The following EPG5 variants were observed in gnomAD, a reference collection of about 807,000 sequenced individuals.
EPG5 encodes the protein ectopic P-granules 5 autophagy tethering factor, also known as ectopic P granules protein 5 homolog.
In EPG5, 159 loss-of-function variants were observed where a neutral mutation model predicts 302.7. The observed-to-expected ratio is 0.53, with a 90% CI of 0.46 to 0.60. EPG5 has a LOEUF of 0.60. EPG5 is among the 20% of genes least tolerant of loss of function. The pLI is 0.00. For missense variants in EPG5, 2,896 were observed against 3,092.4 expected (o/e 0.94, Z 1.51); for synonymous variants, 1,158 against 1,136.8 (o/e 1.02, Z -0.37).
the EPG5 span, among the ~76,000 whole-genome samples, chr18:45,818,539 C>T: frequency 1.3e-5 from 2 of 152,066 alleles, no homozygotes; most frequent in East Asian, 3.8e-4. Context: ...TTTCATCATC[C>T]ATTGAATTTG....
intron 40 of EPG5, 121 bp downstream of exon 40, chr18:45,859,983 C>G (rs2048598145): frequency 1.6e-6 from 2 of 1,276,272 alleles, no homozygotes; most frequent in South Asian, 1.4e-5. Context: ...ATTTGTAGAG[C>G]AGAAAATTAG....
intron 42 of EPG5, among the ~76,000 whole-genome samples, chr18:45,857,066 T>C (rs2048530552): frequency 2.0e-5 from 3 of 151,864 alleles, no homozygotes; most frequent in Admixed American, 2.0e-4. Flanking sequence ...CTACAGGTGC[T>C]TGCCACCACA....
the EPG5 span, chr18:45,838,910 C>G: frequency 1.2e-6 from 2 of 1,602,250 alleles, no homozygotes; most frequent in Non-Finnish European, 1.7e-6. Context: ...CCCGCACTGA[C>G]CCATGACGGC....
chr18:45,898,989 G>C (rs535202726), intron 27 of EPG5, among the ~76,000 whole-genome samples: 16 of 152,298 alleles, frequency 1.1e-4, no homozygotes, highest in African/African-American at 3.6e-4. Context: ...GCCGGGCGTG[G>C]TGGCAGGTGC....
chr18:45,876,417 G>C, intron 34 of EPG5, 75 bp from the exon 35 acceptor site: 13 of 1,254,126 alleles, frequency 1.0e-5, no homozygotes, highest in Non-Finnish European at 1.3e-5. Flanking sequence ...GTCTAGGGCT[G>C]GCCTAAGTCC....
At chr18:45,903,919 C>T in intron 25 of EPG5, 54 bp downstream of exon 25, 1 of 1,543,906 alleles carries the variant, frequency 6.5e-7, no homozygotes, top group Non-Finnish European at 8.7e-7. Flanking sequence ...CTCAATGGCT[C>T]TGATTCAATC....
Position 45,880,161 on chromosome 18 carries a change from A to T in EPG5, c.5581T>A (p.Cys1861Ser), listed in dbSNP as rs2049064273. The change falls in exon 32 of 44, where the codon TGC (cysteine) becomes AGC (serine). Residue 1861 changes from cysteine (C) to serine (S), a missense_variant. Physicochemically the swap from Cys to Ser is moderately radical, Grantham distance 112. This residue lies in a region of EPG5 where 790 missense variants were observed against 798.0 expected (regional missense o/e 0.99). Transcript: ENST00000282041. ...WKATLRALGC[C>S]APSCQQGAAS... is the part of the protein sequence containing the mutation. ...GCCCCCTGCTGGCAGCTGGGGGCGC[A>T]GCAGCCCAGGGCTCTCAGAGTGGCC... 1 of 1,611,808 alleles carries T rather than the reference A, an allele frequency of 6.2e-7. No homozygotes were observed. The highest frequency in any genetic ancestry group is 1.7e-5 in the Admixed American group (1 of 59,920).
chr18:45,838,182 G>A, the EPG5 span, among the ~76,000 whole-genome samples: 92 of 152,326 alleles, frequency 6.0e-4, no homozygotes, highest in East Asian at 8.3e-3. Context: ...AGACGAAGAG[G>A]CGAGAAAGAC....
At chr18:45,949,645 T>C in intron 4 of EPG5, 54 bp from the exon 5 acceptor site, 4 of 1,189,454 alleles carry the variant, frequency 3.4e-6, no homozygotes, top group Non-Finnish European at 4.9e-6. Context: ...AAATAATTTA[T>C]CTAGGGGTCT....
chr18:45,954,117 T>C, intron 2 of EPG5: 1 of 187,226 alleles, frequency 5.3e-6, no homozygotes, highest in Non-Finnish European at 1.0e-5. Flanking sequence ...TGCTGAACCA[T>C]CACAACCTCA....
In EPG5 at chr18:45,870,557, A is replaced by G; in HGVS notation, c.6225+10T>C. 6.2e-7 allele frequency: 1 copy of G among 1,610,602 alleles called. No individual in the cohort carries two copies. The highest frequency in any genetic ancestry group is 1.1e-5 in the South Asian group (1 of 90,914). ...TCTCTAGGCTGCGATGCCGGGAATG[A>G]AGGGCTTACTTTGAAGAAGGCCTCC... On this transcript the variant is annotated intron_variant, in intron 36 of 43. Coordinates refer to ENST00000282041, the MANE Select transcript of EPG5 (RefSeq NM_020964.3).
chr18:45,899,539 C>T lies in EPG5; in HGVS notation c.4674G>A (p.Gln1558=). The stretch of plus-strand genomic sequence containing the variant: ...CTAACAGCTCACCATCCAGAGCAAC[C>T]TGCTGAGATTCCCGAAGAGCTGCGG... ...ARTAALRESQ[Q]VALDGELLDT... is the part of the protein sequence containing the mutation. Residue 1558 remains glutamine (Q), a synonymous_variant, in exon 27 of 44, where the codon CAG becomes CAA. Transcript: ENST00000282041. 2.5e-6 allele frequency: 4 copies of T among 1,614,126 alleles called. No homozygotes were observed. The South Asian group carries it at 3.3e-5, about 13-fold the overall frequency.
At chr18:45,813,443 G>T in the EPG5 span, among the ~76,000 whole-genome samples, 1 of 152,138 alleles carries the variant, frequency 6.6e-6, no homozygotes, top group African/African-American at 2.4e-5. Flanking sequence ...TATAAATCAT[G>T]CTGCTATAAA....
chr18:45,834,287 G>T, the EPG5 span, among the ~76,000 whole-genome samples: 1 of 152,200 alleles, frequency 6.6e-6, no homozygotes, highest in Non-Finnish European at 1.5e-5. Context: ...GTCAGTGACT[G>T]AGAGGCAGGT....
chr18:45,801,193 C>T, the EPG5 span, among the ~76,000 whole-genome samples: 1 of 152,224 alleles, frequency 6.6e-6, no homozygotes. Flanking sequence ...CGTGCTACCA[C>T]ACCTGGCTAA....
rs368539419 is a variant in EPG5, at chr18:45,899,486, C to T, written c.4727G>A (p.Arg1576His). 15 of 1,614,058 alleles carry T rather than the reference C, an allele frequency of 9.3e-6. No homozygotes were observed. The Admixed American group carries it at 1.2e-4, about 13-fold the overall frequency. Residue 1576 changes from arginine (R) to histidine (H), a missense_variant, in exon 27 of 44, where the codon CGT becomes CAT. Around this residue, in one of 5 missense-constraint regions of EPG5, gnomAD observed 790 missense variants for 798.0 expected, o/e 0.99. Coordinates refer to ENST00000282041, the MANE Select transcript of EPG5 (RefSeq NM_020964.3). ...CAAATGTAGTGTGGTCTGTTCTTCA[C>T]GATTCACATACTGCTTTGGCATTGT... The part of the protein sequence containing the change: ...LDTMPKQYVN[R>H]EEQTTLHLEC...
At chr18:45,860,631 G>T (rs566027071) in intron 39 of EPG5, among the ~76,000 whole-genome samples, 26 of 152,322 alleles carry the variant, frequency 1.7e-4, no homozygotes, top group African/African-American at 6.0e-4. Flanking sequence ...AAGCTGGTGT[G>T]AAAGAGTAAC....
the EPG5 span, among the ~76,000 whole-genome samples, chr18:45,839,996 G>A: frequency 4.6e-5 from 7 of 152,214 alleles, no homozygotes; most frequent in South Asian, 2.1e-4. Context: ...TCAGAAGAAC[G>A]GACTTTTTAC....
At chr18:45,911,562 G>C (rs1281208345) in intron 22 of EPG5, among the ~76,000 whole-genome samples, 1 of 152,128 alleles carries the variant, frequency 6.6e-6, no homozygotes, top group Non-Finnish European at 1.5e-5. Context: ...AAAGTGCTGG[G>C]ATTACAGGCG....
Sources: allele counts gnomAD v4.1 joint callset (sites outside exome capture counted in the v4.1 genomes callset), GRCh38; gene constraint gnomAD v4.1.1; regional missense constraint gnomAD v4.1.1; transcripts MANE v1.5; gene names NCBI Gene and HGNC (gene_info 2026-07-23, HGNC 2026-07-21).